Variants in ZNF559 observed in about 807,000 individuals in gnomAD.
ZNF559 encodes putative protein product of Nbla00121.
A neutral mutation model predicts 14.2 loss-of-function variants in ZNF559; 17 were observed. The observed-to-expected ratio is 1.20, with a 90% CI of 0.82 to 1.80. ZNF559 has a LOEUF of 1.80. ZNF559 is among the 40% of genes most tolerant of loss of function. The pLI, the probability that ZNF559 is intolerant of heterozygous loss-of-function variation, is 0.00. For missense variants in ZNF559, 740 were observed against 629.7 expected, an observed-to-expected ratio of 1.18 and a Z score of -1.88; for synonymous variants, 244 against 212.4, an observed-to-expected ratio of 1.15 and a Z score of -1.29.
chr19:9,325,446 A>AG (rs1263924813), intron 2 of ZNF559, among the ~76,000 whole-genome samples: 4 of 151,530 alleles, frequency 2.6e-5, no homozygotes, highest in African/African-American at 9.8e-5. Context: ...TGTTTCAAAA[A>AG]GAAGAAAAAA....
In ZNF559 at chr19:9,342,403, G is replaced by A; in HGVS notation, c.952G>A (p.Val318Ile). The A allele has an allele frequency of 1.2e-6, 2 of 1,614,028 alleles. No homozygotes were observed. The highest frequency in any genetic ancestry group is 8.5e-7 in the Non-Finnish European group (1 of 1,179,986). Residue 318 changes from valine (V) to isoleucine (I), a missense_variant, in exon 7 of 7, where the codon GTT (valine) becomes ATT (isoleucine). Val to Ile is a conservative substitution (Grantham distance 29, BLOSUM62 3). Coordinates refer to ENST00000603380, the MANE Select transcript of ZNF559 (RefSeq NM_032497.3). ...CFSKLNIHIR[V>I]HTGEKPYECN... Reference sequence around the variant, plus strand: ...CTCAAAACTCAACATTCACATAAGGGTTCACACTGGAGAAAAACCGTATGA... The same window carrying A: ...CTCAAAACTCAACATTCACATAAGGATTCACACTGGAGAAAAACCGTATGA...
chr19:9,341,538 G>T (rs1266880093), intron 6 of ZNF559, 157 bp from the exon 7 acceptor site: 2 of 1,338,464 alleles, frequency 1.5e-6, no homozygotes, highest in Admixed American at 2.1e-5. Context: ...AAAACACTCA[G>T]GTCTGAACCA....
intron 2 of ZNF559, among the ~76,000 whole-genome samples, chr19:9,327,029 T>C (rs1436064181): frequency 6.6e-6 from 1 of 152,158 alleles, no homozygotes; most frequent in African/African-American, 2.4e-5. Context: ...AGGCTTCCAT[T>C]TTCTAGGTAA....
rs1393625917 is a variant in ZNF559, at chr19:9,344,570, G to A, written c.*1502G>A. ...GGGGCAAGAGGATTGCTTGAGCCTG[G>A]TCAGGGAGGCAGAGGTTGCAGTGAG... On this transcript the variant is annotated 3_prime_UTR_variant, in exon 7 of 7. Transcript: ENST00000603380. 1.3e-5 allele frequency: 2 copies of A among 152,144 alleles called. No individual in the cohort carries two copies. The highest frequency in any genetic ancestry group is 3.9e-4 in the East Asian group (2 of 5,186). 9.4% of individuals were successfully genotyped at this position (152,144 alleles called of 1,614,324 possible). A position where few individuals can be genotyped will look rare whatever the true frequency, so the allele number is the denominator to read the frequency against.
In ZNF559 at chr19:9,342,751, G is replaced by GA. The variant is rs760780076; in HGVS notation, c.1303dup (p.Arg435LysfsTer4). 4 of 1,614,186 alleles carry GA rather than the reference G, an allele frequency of 2.5e-6. No homozygotes were observed. The East Asian group carries it at 8.9e-5, about 36-fold the overall frequency. ...TCGACATTTGAGAAGTCACAGTGCA[G>GA]AAAGGCCTTTTGAATGTGAGGAATG... On this transcript the variant is annotated frameshift_variant, in exon 7 of 7. Coordinates refer to ENST00000603380, the MANE Select transcript of ZNF559 (RefSeq NM_032497.3). LOFTEE classifies it low-confidence loss of function (END_TRUNC).
In ZNF559 at chr19:9,341,113, CAT is replaced by C; in HGVS notation, c.175_176del (p.Ile59Ter). 6.2e-7 allele frequency: 1 copy of C among 1,607,742 alleles called. No individual in the cohort carries two copies. Among genetic ancestry groups the C allele is most frequent in the Admixed American group, 1.7e-5 (1 of 58,168 alleles). On this transcript the variant is annotated frameshift_variant, in exon 6 of 7. Transcript: ENST00000603380. LOFTEE classifies it high-confidence loss of function. ...KNLVAVDWES[H>X]INTKWSAPQQ... ...TCATCTTATTTCAGATTGGGAGAGT[CAT>C]ATTAATACCAAATGGTCAGCACCTC... is the stretch of plus-strand genomic sequence containing the variant.
Position 9,342,528 on chromosome 19 carries a change from G to A in ZNF559, c.1077G>A (p.Gly359=). The change falls in exon 7 of 7, where the codon GGG becomes GGA. Residue 359 remains glycine, a synonymous_variant. Coordinates refer to ENST00000603380, the MANE Select transcript of ZNF559 (RefSeq NM_032497.3). ...AGCCTTATGAATGTAAGGAATGTGGGAAAGCTTTTGCTAACTCTTCACATC... is the reference window on the plus strand; with the variant it reads ...AGCCTTATGAATGTAAGGAATGTGGAAAAGCTTTTGCTAACTCTTCACATC... The part of the protein sequence containing the change: ...GEKPYECKEC[G]KAFANSSHLT... 1.2e-6 allele frequency: 2 copies of A among 1,614,100 alleles called. No individual in the cohort carries two copies. Among genetic ancestry groups the A allele is most frequent in the South Asian group, 2.2e-5 (2 of 91,064 alleles).
At chr19:9,331,004 C>T (rs1389744110) in intron 2 of ZNF559, among the ~76,000 whole-genome samples, 1 of 152,204 alleles carries the variant, frequency 6.6e-6, no homozygotes, top group African/African-American at 2.4e-5. Flanking sequence ...CTGACCCCTA[C>T]AGAAGTATAC....
intron 2 of ZNF559, among the ~76,000 whole-genome samples, chr19:9,331,716 C>T (rs1278369976): frequency 1.3e-5 from 2 of 152,162 alleles, no homozygotes; most frequent in African/African-American, 2.4e-5. Flanking sequence ...GGGTTGCTTG[C>T]AATTATTAGC....
intron 2 of ZNF559, among the ~76,000 whole-genome samples, chr19:9,329,249 A>G (rs2066808213): frequency 6.6e-6 from 1 of 151,896 alleles, no homozygotes; most frequent in Non-Finnish European, 1.5e-5. Context: ...AATATGATTG[A>G]TTTTTGTAGT....
chr19:9,328,560 C>T (rs545393309), intron 2 of ZNF559, among the ~76,000 whole-genome samples: 1 of 151,962 alleles, frequency 6.6e-6, no homozygotes, highest in Non-Finnish European at 1.5e-5. Context: ...ATCATGTTGG[C>T]TAGGCTGGTC....
chr19:9,325,341 C>T (rs2066521606), intron 2 of ZNF559, among the ~76,000 whole-genome samples: 1 of 151,908 alleles, frequency 6.6e-6, no homozygotes, highest in Non-Finnish European at 1.5e-5. Flanking sequence ...ACTTTGGAGG[C>T]CGAGATGCGA....
At chr19:9,329,657 A>C (rs2066830363) in intron 2 of ZNF559, among the ~76,000 whole-genome samples, 1 of 152,106 alleles carries the variant, frequency 6.6e-6, no homozygotes, top group African/African-American at 2.4e-5. Flanking sequence ...GCCAGGAGAT[A>C]GTTGGATCTT....
At position 9,338,479 on chromosome 19, in the gene ZNF559, T is replaced by G. The variant is rs947339995; in HGVS notation, c.-56-15T>G. 2 of 1,605,086 alleles carry G rather than the reference T, an allele frequency of 1.2e-6. No homozygotes were observed. Among genetic ancestry groups the G allele is most frequent in the African/African-American group, 2.7e-5 (2 of 74,830 alleles). Reference sequence around the variant, plus strand: ...CAGCAGCCTGGATTCTCAGATTTTATTTCTTCTTCTTAAGATCATCTTTCT... The same window carrying G: ...CAGCAGCCTGGATTCTCAGATTTTAGTTCTTCTTCTTAAGATCATCTTTCT... On this transcript the variant is annotated splice_polypyrimidine_tract_variant and intron_variant, in intron 3 of 6. Transcript: ENST00000603380.
chr19:9,324,230 T>C lies in ZNF559; in HGVS notation c.-206+2T>C. On this transcript the variant is annotated splice_donor_variant, in intron 1 of 6. Transcript: ENST00000603380. LOFTEE classifies it low-confidence loss of function (5UTR_SPLICE). The stretch of plus-strand genomic sequence containing the variant: ...AGCGCGTTCCCGTTGGCGTCTGAGG[T>C]AAGTTTTTGTTTCTGGGCGGCGTTC... 2 of 1,535,930 alleles carry C rather than the reference T, an allele frequency of 1.3e-6. No homozygotes were observed. Among genetic ancestry groups the C allele is most frequent in the Non-Finnish European group, 1.7e-6 (2 of 1,146,844 alleles).
At chr19:9,333,006 G>C (rs189270376) in intron 2 of ZNF559, 1 of 152,342 alleles carries the variant, frequency 6.6e-6, no homozygotes, top group East Asian at 1.9e-4. Flanking sequence ...GTCTTACTCT[G>C]TTGCCCAGGC....
At chr19:9,338,949 G>A (rs1224275083) in intron 4 of ZNF559, among the ~76,000 whole-genome samples, 4 of 148,702 alleles carry the variant, frequency 2.7e-5, no homozygotes, top group African/African-American at 7.5e-5. Context: ...AGAACAATAA[G>A]AAGAAGTCAC....
chr19:9,340,567 TAAAAAA>T (rs34086147), intron 5 of ZNF559, among the ~76,000 whole-genome samples: 6 of 75,778 alleles, frequency 7.9e-5, no homozygotes, highest in African/African-American at 2.9e-4. Flanking sequence ...TCTCTGTCTC[TAAAAAA>T]AAAAAAAAAA....
chr19:9,326,273 C>G (rs2066597952), intron 2 of ZNF559, among the ~76,000 whole-genome samples: 1 of 152,038 alleles, frequency 6.6e-6, no homozygotes, highest in African/African-American at 2.4e-5. Flanking sequence ...CCACGCCCGG[C>G]TAATTGTATT....
Sources: gnomAD v4.1 joint callset for allele counts (sites outside exome capture counted in the v4.1 genomes callset) on GRCh38, gnomAD v4.1.1 for gene constraint, MANE v1.5 for transcripts, NCBI Gene and HGNC (gene_info 2026-07-23, HGNC 2026-07-21) for gene names.